ARMC2: variants seen among roughly 807,000 people sequenced by gnomAD.
ARMC2 encodes the protein armadillo repeat containing 2.
In ARMC2, 67 loss-of-function variants were observed where a neutral mutation model predicts 90.3. The ratio of observed to expected loss-of-function variants is 0.74; its 90% confidence interval spans 0.61 to 0.91. The LOEUF is 0.91. Ranked by LOEUF, ARMC2 falls within the 40% of genes least tolerant of loss-of-function variation. The pLI is 0.00. For missense variants in ARMC2, 920 were observed against 1,030.9 expected (o/e 0.89, Z 1.47); for synonymous variants, 393 against 393.0 (o/e 1.00, Z 0.00).
At chr6:109,032,345 G>A in the ARMC2 span, among the ~76,000 whole-genome samples, 5 of 151,650 alleles carry the variant, frequency 3.3e-5, no homozygotes, top group African/African-American at 9.7e-5. Flanking sequence ...AAGGCTGGGC[G>A]CAGTGGCTCA....
At chr6:109,041,828 A>C in the ARMC2 span, among the ~76,000 whole-genome samples, 6 of 152,208 alleles carry the variant, frequency 3.9e-5, no homozygotes, top group Admixed American at 3.3e-4. Flanking sequence ...AGAGGAACTC[A>C]ACAATATTAT....
chr6:108,959,250 A>C (rs1264233964), intron 13 of ARMC2, among the ~76,000 whole-genome samples: 1 of 152,152 alleles, frequency 6.6e-6, no homozygotes, highest in African/African-American at 2.4e-5. Flanking sequence ...TCCTTTCAAC[A>C]TAGTAATTTA....
At chr6:108,936,193 C>T (rs955243497) in intron 11 of ARMC2, among the ~76,000 whole-genome samples, 1 of 152,216 alleles carries the variant, frequency 6.6e-6, no homozygotes, top group African/African-American at 2.4e-5. Context: ...ATAGCACTAC[C>T]AATCTACTAT....
intron 10 of ARMC2, among the ~76,000 whole-genome samples, chr6:108,926,623 G>T (rs1187223586): frequency 2.0e-5 from 3 of 152,044 alleles, no homozygotes; most frequent in African/African-American, 4.8e-5. Flanking sequence ...TACTTGGGAG[G>T]CTGAGGCACG....
the ARMC2 span, among the ~76,000 whole-genome samples, chr6:109,042,532 A>C: frequency 1.4e-5 from 2 of 148,090 alleles, no homozygotes; most frequent in Non-Finnish European, 3.0e-5. Flanking sequence ...GATTATTGCG[A>C]AAAAAAAAAA....
chr6:109,005,617 A>G, the ARMC2 span, among the ~76,000 whole-genome samples: 1 of 152,166 alleles, frequency 6.6e-6, no homozygotes, highest in Non-Finnish European at 1.5e-5. Context: ...AGTATTTCCT[A>G]TATTTATGGC....
At chr6:109,029,089 T>C in the ARMC2 span, among the ~76,000 whole-genome samples, 4 of 152,216 alleles carry the variant, frequency 2.6e-5, no homozygotes, top group Non-Finnish European at 4.4e-5. Context: ...CTTTTCTACC[T>C]TCTCTTCTTA....
At chr6:109,009,303 C>A in the ARMC2 span, 1 of 1,412,320 alleles carries the variant, frequency 7.1e-7, no homozygotes, top group Non-Finnish European at 9.3e-7. Context: ...GGCAGCTCGG[C>A]CGGGTGCCCA....
chr6:108,853,773 CTG>C (rs1427793557), intron 1 of ARMC2, among the ~76,000 whole-genome samples: 3 of 152,198 alleles, frequency 2.0e-5, no homozygotes, highest in Non-Finnish European at 4.4e-5. Flanking sequence ...GAACTATTCT[CTG>C]AGGTTTGTTG....
chr6:108,870,216 A>T (rs902433705), intron 4 of ARMC2, among the ~76,000 whole-genome samples: 4 of 152,134 alleles, frequency 2.6e-5, no homozygotes, highest in African/African-American at 9.7e-5. Flanking sequence ...ATCATACTTG[A>T]CAGACAAGTA....
At chr6:108,964,068 A>G (rs1583225221) in intron 15 of ARMC2, 112 bp from the exon 16 acceptor site, 1 of 1,171,786 alleles carries the variant, frequency 8.5e-7, no homozygotes, top group South Asian at 1.5e-5. Flanking sequence ...GTCCCTTAAC[A>G]GGGGTTCTGG....
the ARMC2 span, among the ~76,000 whole-genome samples, chr6:109,047,845 T>C: frequency 1.4e-5 from 2 of 146,686 alleles, 1 homozygote; most frequent in Non-Finnish European, 3.0e-5. Flanking sequence ...CAGGGTTAAA[T>C]GGATTAAGGG....
chr6:109,009,292 G>A, the ARMC2 span: 23 of 1,382,286 alleles, frequency 1.7e-5, no homozygotes, highest in Non-Finnish European at 2.2e-5. Context: ...GTGTTGCACA[G>A]GGCAGCTCGG....
chr6:108,960,757 G>T (rs1270083309), intron 13 of ARMC2, among the ~76,000 whole-genome samples: 1 of 152,212 alleles, frequency 6.6e-6, no homozygotes, highest in African/African-American at 2.4e-5. Flanking sequence ...TGAGCCAAGT[G>T]ACTAACTGGG....
At chr6:108,981,430 T>G in the ARMC2 span, among the ~76,000 whole-genome samples, 4 of 152,198 alleles carry the variant, frequency 2.6e-5, no homozygotes, top group African/African-American at 9.6e-5. Flanking sequence ...TAGAACTCTT[T>G]CATCTTGTAA....
chr6:108,961,960 C>A, intron 14 of ARMC2, 54 bp from the exon 15 acceptor site: 1 of 1,287,952 alleles, frequency 7.8e-7, no homozygotes. Context: ...TTCCATTAAC[C>A]TTTAAGTTAA....
Position 108,910,910 on chromosome 6 carries a change from T to C in ARMC2, c.1035T>C (p.Ser345=). ...TTCTTTCTCTGCAGCTTAAAGTGAGTAGAAAGAATCTTCTTAATGTCTGCA... is the reference window on the plus strand; with the variant it reads ...TTCTTTCTCTGCAGCTTAAAGTGAGCAGAAAGAATCTTCTTAATGTCTGCA... ...LAKIILALKV[S]RKNLLNVCKL... The change falls in exon 9 of 18, where the codon AGT becomes AGC. Residue 345 remains serine, a synonymous_variant. Transcript: ENST00000392644. 1 of 1,537,568 alleles carries C rather than the reference T, an allele frequency of 6.5e-7. No homozygotes were observed. Among genetic ancestry groups the C allele is most frequent in the Non-Finnish European group, 8.9e-7 (1 of 1,129,364 alleles).
intron 5 of ARMC2, among the ~76,000 whole-genome samples, chr6:108,892,759 CAAAAAAA>C (rs55747245): frequency 4.5e-5 from 4 of 89,690 alleles, no homozygotes; most frequent in Non-Finnish European, 2.3e-5. Flanking sequence ...AACTCCATCT[CAAAAAAA>C]AAAAAAAAAA....
At chr6:108,969,703 C>T (rs1778623943) in intron 17 of ARMC2, among the ~76,000 whole-genome samples, 1 of 152,154 alleles carries the variant, frequency 6.6e-6, no homozygotes, top group South Asian at 2.1e-4. Flanking sequence ...ATGCAAAATA[C>T]TGTGAAGCAC....
Sources: gnomAD v4.1 joint callset for allele counts (sites outside exome capture counted in the v4.1 genomes callset) on GRCh38, gnomAD v4.1.1 for gene constraint, MANE v1.5 for transcripts, NCBI Gene and HGNC (gene_info 2026-07-23, HGNC 2026-07-21) for gene names.